Variants in DDAH1 observed in about 807,000 individuals in gnomAD.
DDAH1 encodes the protein N(G),N(G)-dimethylarginine dimethylaminohydrolase 1.
In DDAH1, 19 loss-of-function variants were observed where a neutral mutation model predicts 28.8. The observed-to-expected ratio is 0.66, with a 90% confidence interval of 0.46 to 0.97. The LOEUF (loss-of-function observed/expected upper bound fraction) is 0.97, where lower values mean the gene tolerates loss of function less well. Among genes scored for constraint, DDAH1 ranks in the 50% least tolerant of loss-of-function variants. The pLI is 0.00. For missense variants in DDAH1, 326 were observed against 375.9 expected (o/e 0.87, Z 1.10); for synonymous variants, 153 against 154.4 (o/e 0.99, Z 0.07).
chr1:85,349,841 G>C (rs959233927), intron 4 of DDAH1, among the ~76,000 whole-genome samples: 1 of 152,180 alleles, frequency 6.6e-6, no homozygotes, highest in Non-Finnish European at 1.5e-5. Flanking sequence ...TTCCACTCTT[G>C]ATTTAGCCGT....
chr1:85,323,630 T>C (rs1254759053), intron 5 of DDAH1, among the ~76,000 whole-genome samples: 1 of 152,150 alleles, frequency 6.6e-6, no homozygotes, highest in Non-Finnish European at 1.5e-5. Context: ...TTCTTCTTTC[T>C]GCAGCCCTGA....
At chr1:85,426,927 A>AC (rs1444752869) in intron 1 of DDAH1, among the ~76,000 whole-genome samples, 4 of 146,974 alleles carry the variant, frequency 2.7e-5, no homozygotes, top group Admixed American at 2.0e-4. Context: ...AAAACAAAAA[A>AC]AAAAAAAAAA....
chr1:85,352,169 T>C (rs1333604176), intron 2 of DDAH1, among the ~76,000 whole-genome samples: 1 of 152,160 alleles, frequency 6.6e-6, no homozygotes, highest in Non-Finnish European at 1.5e-5. Context: ...AGGGAGTTTG[T>C]ACATTCTCTC....
At chr1:85,465,761 T>G (rs1458956469), upstream of DDAH1, among the ~76,000 whole-genome samples, 1 of 152,152 alleles carries the variant, frequency 6.6e-6, no homozygotes. Flanking sequence ...AACACCATCC[T>G]CTACCCCCCA....
chr1:85,384,799 T>G (rs189315445), intron 1 of DDAH1, among the ~76,000 whole-genome samples: 40 of 152,356 alleles, frequency 2.6e-4, no homozygotes, highest in Middle Eastern at 3.4e-3. Flanking sequence ...AAGGGAGGTC[T>G]AGAAATTGCT....
At chr1:85,424,981 G>A (rs2100621366) in intron 1 of DDAH1, among the ~76,000 whole-genome samples, 1 of 152,160 alleles carries the variant, frequency 6.6e-6, no homozygotes. Context: ...GCTGTCTGTA[G>A]AAAAGAGTAT....
At chr1:85,475,939 C>A (rs1294814663) in intron 2 of DDAH1, among the ~76,000 whole-genome samples, 1 of 152,202 alleles carries the variant, frequency 6.6e-6, no homozygotes. Flanking sequence ...GCAACCTCTA[C>A]CTCCCAGGTT....
At chr1:85,351,890 T>C (rs1649235181) in intron 2 of DDAH1, among the ~76,000 whole-genome samples, 1 of 152,174 alleles carries the variant, frequency 6.6e-6, no homozygotes, top group Non-Finnish European at 1.5e-5. Flanking sequence ...TGCCTGGTGG[T>C]GATGGTTGCC....
At chr1:85,379,849 C>A in intron 1 of DDAH1, 4 of 328,704 alleles carry the variant, frequency 1.2e-5, no homozygotes, top group Non-Finnish European at 1.7e-5. Flanking sequence ...ACGTTTCTAC[C>A]ACTGGAAAGG....
At chr1:85,325,340 TGCATGCACGTGCGTGC>T (rs1437475178) in intron 4 of DDAH1, among the ~76,000 whole-genome samples, 3 of 146,850 alleles carry the variant, frequency 2.0e-5, no homozygotes, top group Admixed American at 2.0e-4. Context: ...CACACGTGTG[TGCATGCACGTGCGTGC>T]GCGCGCGCGC....
At chr1:85,512,498 A>G (rs1328098566) in intron 1 of DDAH1, among the ~76,000 whole-genome samples, 2 of 152,214 alleles carry the variant, frequency 1.3e-5, no homozygotes, top group South Asian at 2.1e-4. Context: ...AGTTCTGGCC[A>G]GGGCAATCAG....
chr1:85,526,568 G>A (rs1312641220), intron 1 of DDAH1, among the ~76,000 whole-genome samples: 2 of 151,794 alleles, frequency 1.3e-5, no homozygotes. Flanking sequence ...TTGCACTAGG[G>A]TTTTGTGATT....
At chr1:85,408,106 A>G (rs1652491756) in intron 1 of DDAH1, among the ~76,000 whole-genome samples, 1 of 152,218 alleles carries the variant, frequency 6.6e-6, no homozygotes, top group Non-Finnish European at 1.5e-5. Context: ...TTCAGCAGCT[A>G]TAATAAAAAT....
intron 1 of DDAH1, among the ~76,000 whole-genome samples, chr1:85,398,090 G>A (rs1651895148): frequency 6.7e-6 from 1 of 149,990 alleles, no homozygotes; most frequent in Admixed American, 6.7e-5. Flanking sequence ...GTAAAAAGTT[G>A]TCACTTCCTG....
intron 5 of DDAH1, among the ~76,000 whole-genome samples, chr1:85,322,509 G>A (rs1268374056): frequency 1.3e-5 from 2 of 152,162 alleles, no homozygotes; most frequent in Non-Finnish European, 2.9e-5. Context: ...GCTTCTTTAG[G>A]AAGCACTGCG....
At chr1:85,334,743 T>C (rs1274471028) in intron 4 of DDAH1, among the ~76,000 whole-genome samples, 4 of 149,062 alleles carry the variant, frequency 2.7e-5, no homozygotes, top group Non-Finnish European at 6.0e-5. Context: ...CTTTATAAAC[T>C]ACCTACTCTC....
At chr1:85,550,396 G>T (rs570559595) in intron 1 of DDAH1, among the ~76,000 whole-genome samples, 1 of 152,208 alleles carries the variant, frequency 6.6e-6, no homozygotes, top group Non-Finnish European at 1.5e-5. Flanking sequence ...CACTCCAAAG[G>T]CCCCTCTCCC....
At chr1:85,502,399 C>G (rs1656851721) in intron 1 of DDAH1, among the ~76,000 whole-genome samples, 1 of 152,214 alleles carries the variant, frequency 6.6e-6, no homozygotes, top group Non-Finnish European at 1.5e-5. Context: ...GTAAACACAA[C>G]CAAATGACAA....
intron 2 of DDAH1, among the ~76,000 whole-genome samples, chr1:85,479,825 A>G (rs1146390): frequency 0.31 from 47,745 of 152,092 alleles, 8,936 homozygotes; most frequent in South Asian, 0.44. Context: ...TGCTTGGGAA[A>G]GAGTCATGCT....
Sources: allele counts gnomAD v4.1 joint callset (sites outside exome capture counted in the v4.1 genomes callset), GRCh38; gene constraint gnomAD v4.1.1; transcripts MANE v1.5; gene names NCBI Gene and HGNC (gene_info 2026-07-23, HGNC 2026-07-21).